The following EXOC4 variants were observed in gnomAD, a reference collection of about 807,000 sequenced individuals.
EXOC4 encodes exocyst complex component 4.
In EXOC4, 71 loss-of-function variants were observed where a neutral mutation model predicts 107.2. The ratio of observed to expected loss-of-function variants is 0.66; its 90% CI spans 0.55 to 0.81. The LOEUF is 0.81. Ranked by LOEUF, EXOC4 falls within the 30% of genes least tolerant of loss-of-function variation. The pLI is 0.00. For missense variants in EXOC4, 1,108 were observed against 1,189.6 expected (o/e 0.93, Z 1.01); for synonymous variants, 456 against 441.2 (o/e 1.03, Z -0.42).
chr7:133,771,490 A>T lies in EXOC4; in HGVS notation c.1515-45835A>T, dbSNP rs544066091. On this transcript the variant is annotated intron_variant, in intron 10 of 17. Coordinates refer to ENST00000253861, the MANE Select transcript of EXOC4 (RefSeq NM_021807.4). ...CTAAATAAAATTAATTGGAAAGTAG[A>T]TAGCTCTCTAATAACCATGCTTGTT... The T allele has an allele frequency of 9.9e-5, 15 of 152,152 alleles. No individual in the cohort carries two copies. In the East Asian group the frequency reaches 1.7e-3, roughly 18 times the overall value. 9.4% of individuals were successfully genotyped at this position (152,152 alleles called of 1,614,324 possible).
intron 9 of EXOC4, among the ~76,000 whole-genome samples, chr7:133,566,125 C>A (rs1270879588): frequency 6.6e-6 from 1 of 152,054 alleles, no homozygotes; most frequent in Non-Finnish European, 1.5e-5. Context: ...TAGATTCTGT[C>A]TTTTTGTCAT....
At position 133,758,206 on chromosome 7, in the gene EXOC4, C is replaced by T. The variant is rs550398993; in HGVS notation, c.1515-59119C>T. 1.0e-3 allele frequency among the ~76,000 whole-genome samples: 153 copies of T among 152,094 alleles called. 2 individuals are homozygous for T. The highest frequency in any genetic ancestry group is 8.0e-3 in the Admixed American group (122 of 15,280). ...TGTTGCCCAGGCTGGAGTGCAGTGG[C>T]GTGTCTCGGCTCACTGCAACATCTG... On this transcript the variant is annotated intron_variant, in intron 10 of 17. Transcript: ENST00000253861.
At chr7:133,418,263 A>T (rs1459441327) in intron 7 of EXOC4, among the ~76,000 whole-genome samples, 1 of 152,162 alleles carries the variant, frequency 6.6e-6, no homozygotes, top group Non-Finnish European at 1.5e-5. Context: ...GAAATTTAGT[A>T]TTGATTACTG....
At chr7:133,921,973 G>C (rs548580760) in intron 13 of EXOC4, among the ~76,000 whole-genome samples, 7 of 152,194 alleles carry the variant, frequency 4.6e-5, no homozygotes, top group South Asian at 4.2e-4. Context: ...AGTGTCTCCA[G>C]TTCTTTCCTT....
At chr7:133,636,184 T>C (rs1348173547) in intron 10 of EXOC4, among the ~76,000 whole-genome samples, 1 of 152,196 alleles carries the variant, frequency 6.6e-6, no homozygotes, top group Non-Finnish European at 1.5e-5. Flanking sequence ...GATGACAGTG[T>C]CTTGGTAGGT....
chr7:133,980,793 A>G (rs1793962383), intron 14 of EXOC4, among the ~76,000 whole-genome samples: 1 of 139,666 alleles, frequency 7.2e-6, no homozygotes, highest in South Asian at 2.6e-4. Flanking sequence ...AAGCATCTAT[A>G]TGAACTGTTA....
intron 9 of EXOC4, among the ~76,000 whole-genome samples, chr7:133,587,222 C>T (rs1017225527): frequency 1.1e-4 from 17 of 152,108 alleles, no homozygotes; most frequent in African/African-American, 4.1e-4. Context: ...AGAGGCAAGA[C>T]CTTCACATCT....
At chr7:134,027,100 ACTC>A (rs1795155948) in intron 17 of EXOC4, among the ~76,000 whole-genome samples, 1 of 152,012 alleles carries the variant, frequency 6.6e-6, no homozygotes, top group African/African-American at 2.4e-5. Context: ...GGAAAAGAAA[ACTC>A]CTTTAAAAAT....
chr7:133,698,563 C>G (rs1312740374), intron 10 of EXOC4, among the ~76,000 whole-genome samples: 1 of 103,876 alleles, frequency 9.6e-6, no homozygotes, highest in Non-Finnish European at 1.9e-5. Flanking sequence ...GCACAGACAC[C>G]AGAGTGGTGT....
At chr7:134,088,462 G>A in the EXOC4 span, among the ~76,000 whole-genome samples, 1 of 152,038 alleles carries the variant, frequency 6.6e-6, no homozygotes, top group African/African-American at 2.4e-5. Flanking sequence ...TTGTTTTCTT[G>A]TCTTTGAAAA....
At chr7:134,040,030 C>T (rs561115375) in intron 17 of EXOC4, among the ~76,000 whole-genome samples, 1 of 152,318 alleles carries the variant, frequency 6.6e-6, no homozygotes, top group African/African-American at 2.4e-5. Context: ...CTATGGCTCA[C>T]CCATCTGTCC....
At chr7:133,935,156 C>T (rs1263151604) in intron 13 of EXOC4, among the ~76,000 whole-genome samples, 1 of 151,978 alleles carries the variant, frequency 6.6e-6, no homozygotes, top group African/African-American at 2.4e-5. Context: ...CCATTATGCT[C>T]AGCACTGGCT....
chr7:134,032,481 C>G (rs1211549302), intron 17 of EXOC4, among the ~76,000 whole-genome samples: 1 of 152,200 alleles, frequency 6.6e-6, no homozygotes, highest in African/African-American at 2.4e-5. Flanking sequence ...AGCTATTTCC[C>G]CTGCCAGGCT....
chr7:133,749,984 TTA>T (rs1178988603), intron 10 of EXOC4, among the ~76,000 whole-genome samples: 11 of 139,746 alleles, frequency 7.9e-5, no homozygotes, highest in African/African-American at 2.7e-4. Flanking sequence ...TTTTTTTTTT[TTA>T]ACCAGTGGAT....
chr7:133,330,413 C>A (rs976491639), intron 5 of EXOC4, among the ~76,000 whole-genome samples: 1 of 152,070 alleles, frequency 6.6e-6, no homozygotes. Context: ...GGCTTCAGCA[C>A]CCCTTTCCAG....
chr7:133,872,770 C>G (rs866440499), intron 11 of EXOC4, among the ~76,000 whole-genome samples: 14 of 152,162 alleles, frequency 9.2e-5, no homozygotes, highest in Admixed American at 2.6e-4. Context: ...AAAATCCCTC[C>G]TAAGTAACCC....
intron 14 of EXOC4, among the ~76,000 whole-genome samples, chr7:133,953,222 C>A (rs1031146818): frequency 1.9e-4 from 29 of 151,996 alleles, no homozygotes; most frequent in African/African-American, 5.8e-4. Context: ...CCAAGGTGGG[C>A]GGATCACTTG....
At chr7:133,611,627 T>C (rs1347696506) in intron 9 of EXOC4, among the ~76,000 whole-genome samples, 1 of 152,150 alleles carries the variant, frequency 6.6e-6, no homozygotes, top group East Asian at 1.9e-4. Flanking sequence ...CTGCCTTGAA[T>C]GTGTCACTGC....
At chr7:133,576,645 C>T in intron 9 of EXOC4, 1 of 1,289,686 alleles carries the variant, frequency 7.8e-7, no homozygotes, top group Non-Finnish European at 1.0e-6. Context: ...TGTGATCTCA[C>T]TCAGTTGAAA....
Sources: allele counts gnomAD v4.1 joint callset (sites outside exome capture counted in the v4.1 genomes callset), GRCh38; gene constraint gnomAD v4.1.1; transcripts MANE v1.5; gene names NCBI Gene and HGNC (gene_info 2026-07-23, HGNC 2026-07-21).